THSD4: variants seen among roughly 807,000 people sequenced by gnomAD.
THSD4 encodes the protein thrombospondin type 1 domain containing 4.
Under a neutral mutation model 119.0 loss-of-function variants are expected in THSD4, and 69 were observed. The observed-to-expected ratio is 0.58, with a 90% CI of 0.48 to 0.71. THSD4 has a LOEUF of 0.71. Among genes scored for constraint, THSD4 ranks in the 30% least tolerant of loss-of-function variants. The pLI is 0.00. For synonymous variants in THSD4, 524 were observed against 540.4 expected (o/e 0.97, Z 0.42); for missense variants, 1,393 against 1,391.1 (o/e 1.00, Z -0.02).
chr15:71,607,692 A>C (rs1166923261), intron 7 of THSD4, among the ~76,000 whole-genome samples: 2 of 152,158 alleles, frequency 1.3e-5, no homozygotes, highest in Admixed American at 1.3e-4. Flanking sequence ...GGTATGGGGC[A>C]CCTATGATGT....
At chr15:71,435,922 G>A (rs746055755) in intron 7 of THSD4, among the ~76,000 whole-genome samples, 7 of 152,284 alleles carry the variant, frequency 4.6e-5, no homozygotes, top group Non-Finnish European at 8.8e-5. Flanking sequence ...GCACATTTGG[G>A]GAGAAAAAGA....
Position 71,301,521 on chromosome 15 carries a change from G to C in THSD4, c.1015+44806G>C, listed in dbSNP as rs1436287386. Among the ~76,000 whole-genome samples, 3 of 152,002 alleles carry C rather than the reference G, an allele frequency of 2.0e-5. No homozygotes were observed. In the East Asian group the frequency reaches 5.8e-4, roughly 29 times the overall value. ...TCTTTCCATCTTTGCTGTTCTATTG[G>C]GTAAAAAATGAGATCTCTTCTGTAA... is the stretch of plus-strand genomic sequence containing the variant. On this transcript the variant is annotated intron_variant, in intron 6 of 17. Coordinates refer to ENST00000261862, the MANE Select transcript of THSD4 (RefSeq NM_024817.3).
chr15:71,592,964 C>G (rs1278707914), intron 7 of THSD4, among the ~76,000 whole-genome samples: 2 of 152,100 alleles, frequency 1.3e-5, no homozygotes, highest in Admixed American at 6.5e-5. Flanking sequence ...TGGAGAGATT[C>G]ATTAACTTTT....
chr15:71,321,698 A>C (rs527828522), intron 6 of THSD4, among the ~76,000 whole-genome samples: 21 of 152,214 alleles, frequency 1.4e-4, no homozygotes, highest in Non-Finnish European at 2.1e-4. Context: ...GCAGTTATGA[A>C]TGTGAGAGTG....
Position 71,321,495 on chromosome 15 carries a change from C to A in THSD4, c.1015+64780C>A, listed in dbSNP as rs887863540. ...AGGTTGCAGTGAGCCAAGATGGCGC[C>A]ATTGCACTCCAGCCTGGGCAACAGA... On this transcript the variant is annotated intron_variant, in intron 6 of 17. Transcript: ENST00000261862. Among the ~76,000 whole-genome samples, 4 of 152,258 alleles carry A rather than the reference C, an allele frequency of 2.6e-5. No homozygotes were observed. In the East Asian group the frequency reaches 7.7e-4, roughly 29 times the overall value.
At chr15:71,563,376 T>G (rs749751301) in intron 7 of THSD4, among the ~76,000 whole-genome samples, 1 of 152,186 alleles carries the variant, frequency 6.6e-6, no homozygotes, top group Non-Finnish European at 1.5e-5. Context: ...ATCTTCTAAA[T>G]GCTCTGAAAA....
intron 7 of THSD4, among the ~76,000 whole-genome samples, chr15:71,442,455 G>C (rs1393073126): frequency 1.3e-5 from 2 of 149,390 alleles, no homozygotes; most frequent in Non-Finnish European, 3.0e-5. Flanking sequence ...TGTAATCCCA[G>C]CTACTTGGGA....
At chr15:71,102,980 G>C (rs763841243) in intron 1 of THSD4, among the ~76,000 whole-genome samples, 23 of 152,076 alleles carry the variant, frequency 1.5e-4, no homozygotes, top group Non-Finnish European at 3.1e-4. Context: ...AAAAATGTTT[G>C]GTAATTCTAA....
rs561220726 is a variant in THSD4 at position 71,726,755 on chromosome 15, T to C, written c.1358-1794T>C. On this transcript the variant is annotated intron_variant, in intron 8 of 17. Coordinates refer to ENST00000261862, the MANE Select transcript of THSD4 (RefSeq NM_024817.3). ...GAGTTCAAGACCAGCCTGACCAACATGGTGAAACCCCGTCTCTACTAAAAT... is the reference window on the plus strand; with the variant it reads ...GAGTTCAAGACCAGCCTGACCAACACGGTGAAACCCCGTCTCTACTAAAAT... Among the ~76,000 whole-genome samples the C allele has an allele frequency of 6.6e-5, 10 of 152,156 alleles. 1 individual carries two copies. In the South Asian group the frequency reaches 2.1e-3, roughly 32 times the overall value.
rs1410666592 is a variant in THSD4 at position 71,724,072 on chromosome 15, A to G, written c.1358-4477A>G. Among the ~76,000 whole-genome samples the G allele has an allele frequency of 7.9e-4, 4 of 5,052 alleles. No homozygotes were observed. The Non-Finnish European group carries it at 0.17, about 211-fold the overall frequency. 3.3% of individuals were successfully genotyped at this position (5,052 alleles called of 152,430 possible). On this transcript the variant is annotated intron_variant, in intron 8 of 17. Coordinates refer to ENST00000261862, the MANE Select transcript of THSD4 (RefSeq NM_024817.3). ...GAGTAAAACCTTGTCTTTATTTAAA[A>G]AAAAAAAAAAAAAAAAATGAATAGA...
intron 7 of THSD4, among the ~76,000 whole-genome samples, chr15:71,575,475 A>G (rs762800543): frequency 2.6e-5 from 4 of 152,232 alleles, no homozygotes; most frequent in Non-Finnish European, 5.9e-5. Context: ...GGTGATAAAT[A>G]AAATCACTAA....
chr15:71,346,502 A>G (rs1446801415), intron 6 of THSD4, among the ~76,000 whole-genome samples: 1 of 152,186 alleles, frequency 6.6e-6, no homozygotes, highest in East Asian at 1.9e-4. Flanking sequence ...GCCTGGCTTC[A>G]GTGTCTTTTT....
intron 2 of THSD4, among the ~76,000 whole-genome samples, chr15:71,150,643 G>T (rs1356062380): frequency 2.6e-5 from 4 of 152,196 alleles, no homozygotes; most frequent in African/African-American, 9.7e-5. Flanking sequence ...AATGTAATTT[G>T]TGTTGCACTT....
At chr15:71,128,078 G>C (rs28895681) in intron 1 of THSD4, among the ~76,000 whole-genome samples, 21,409 of 151,954 alleles carry the variant, frequency 0.14, 1,478 homozygotes, top group South Asian at 0.2. Context: ...TTTTAGAATG[G>C]AAAAATATAA....
At chr15:71,655,118 G>C (rs2051164077) in intron 7 of THSD4, among the ~76,000 whole-genome samples, 1 of 152,140 alleles carries the variant, frequency 6.6e-6, no homozygotes. Flanking sequence ...GAAATCACTG[G>C]AAAAAATACA....
At chr15:71,538,595 G>A (rs1201584449) in intron 7 of THSD4, among the ~76,000 whole-genome samples, 1 of 152,206 alleles carries the variant, frequency 6.6e-6, no homozygotes, top group African/African-American at 2.4e-5. Context: ...TTGAAGCAGT[G>A]GTTCCCAAAC....
intron 7 of THSD4, among the ~76,000 whole-genome samples, chr15:71,485,680 C>T (rs1490527261): frequency 6.7e-6 from 1 of 149,888 alleles, no homozygotes; most frequent in South Asian, 2.1e-4. Flanking sequence ...GCCCACAGCT[C>T]TTAAGAAAAA....
chr15:71,599,157 C>T (rs1007885464), intron 7 of THSD4, among the ~76,000 whole-genome samples: 7 of 152,082 alleles, frequency 4.6e-5, no homozygotes, highest in East Asian at 3.9e-4. Context: ...GTTCTGTCTC[C>T]GAAGCTAAAT....
chr15:71,197,638 C>T (rs2043731893), intron 3 of THSD4, among the ~76,000 whole-genome samples: 1 of 152,136 alleles, frequency 6.6e-6, no homozygotes, highest in Non-Finnish European at 1.5e-5. Context: ...CTTAGGACAG[C>T]AGAGTGAGCT....
Sources: gnomAD v4.1 joint callset for allele counts (sites outside exome capture counted in the v4.1 genomes callset) on GRCh38, gnomAD v4.1.1 for gene constraint, MANE v1.5 for transcripts, NCBI Gene and HGNC (gene_info 2026-07-23, HGNC 2026-07-21) for gene names.